Variants in RAB20 observed in about 807,000 individuals in gnomAD.
RAB20 encodes RAB20, member RAS oncogene family.
A neutral mutation model predicts 3.7 loss-of-function variants in RAB20; 2 were observed. The ratio of observed to expected loss-of-function variants is 0.54; its 90% CI spans 0.22 to 1.69. The LOEUF is 1.69. RAB20 is among the 40% of genes most tolerant of loss of function. The pLI is 0.19. For synonymous variants in RAB20, 126 were observed against 130.8 expected, an observed-to-expected ratio of 0.96 and a Z score of 0.25; for missense variants, 276 against 311.9, an observed-to-expected ratio of 0.88 and a Z score of 0.87.
chr13:110,527,124 A>G (rs1353166004), intron 1 of RAB20, among the ~76,000 whole-genome samples: 2 of 152,142 alleles, frequency 1.3e-5, no homozygotes, highest in African/African-American at 2.4e-5. Context: ...ATAGCCAAGA[A>G]GCACAACCAA....
intron 1 of RAB20, among the ~76,000 whole-genome samples, chr13:110,557,179 A>C (rs570330482): frequency 4.7e-4 from 71 of 152,294 alleles, no homozygotes; most frequent in Non-Finnish European, 9.6e-4. Context: ...CAGAAGCTGG[A>C]GGAGGGAGGA....
intron 1 of RAB20, among the ~76,000 whole-genome samples, chr13:110,539,864 CA>C (rs1884726281): frequency 6.6e-6 from 1 of 152,102 alleles, no homozygotes; most frequent in Non-Finnish European, 1.5e-5. Flanking sequence ...CCGGCCACAT[CA>C]ATGCATTTTT....
rs150639092 is a variant in RAB20, at chr13:110,547,202, G to C, written c.172+14146C>G. Reference sequence around the variant, plus strand: ...CCTCTAACCAGACTGTCCTGAACTAGAGCAGCCAAGGTCAGGGAAGGGAAC... The same window carrying C: ...CCTCTAACCAGACTGTCCTGAACTACAGCAGCCAAGGTCAGGGAAGGGAAC... On this transcript the variant is annotated intron_variant, in intron 1 of 1. Coordinates refer to ENST00000267328, the MANE Select transcript of RAB20 (RefSeq NM_017817.3). Among the ~76,000 whole-genome samples, 730 of 152,334 alleles carry C rather than the reference G, an allele frequency of 4.8e-3. 9 individuals carry two copies. The highest frequency in any genetic ancestry group is 0.015 in the African/African-American group (614 of 41,574).
At chr13:110,542,627 C>T (rs1884784094) in intron 1 of RAB20, among the ~76,000 whole-genome samples, 1 of 152,164 alleles carries the variant, frequency 6.6e-6, no homozygotes, top group Non-Finnish European at 1.5e-5. Flanking sequence ...ATGATGTCCT[C>T]CGGGTTCACA....
At chr13:110,557,653 C>T (rs1885061126) in intron 1 of RAB20, among the ~76,000 whole-genome samples, 1 of 152,242 alleles carries the variant, frequency 6.6e-6, no homozygotes. Flanking sequence ...TCACTCTCTC[C>T]AACACCCAGT....
intron 1 of RAB20, among the ~76,000 whole-genome samples, chr13:110,531,279 G>A (rs772538893): frequency 2.0e-5 from 3 of 152,196 alleles, no homozygotes; most frequent in Non-Finnish European, 4.4e-5. Flanking sequence ...CCTTTGAGGT[G>A]GGCTGCTGGG....
At chr13:110,530,105 T>C (rs184982088) in intron 1 of RAB20, among the ~76,000 whole-genome samples, 28 of 143,988 alleles carry the variant, frequency 1.9e-4, no homozygotes, top group East Asian at 4.2e-4. Flanking sequence ...GACAGGGCCC[T>C]GGGGAGGCAG....
chr13:110,554,790 C>T (rs1041653298), intron 1 of RAB20, among the ~76,000 whole-genome samples: 52 of 152,230 alleles, frequency 3.4e-4, no homozygotes, highest in Admixed American at 1.3e-3. Flanking sequence ...GTTCACAGCA[C>T]CTCTGAGGCC....
intron 1 of RAB20, among the ~76,000 whole-genome samples, chr13:110,531,708 C>T (rs917527527): frequency 6.6e-6 from 1 of 152,200 alleles, no homozygotes; most frequent in African/African-American, 2.4e-5. Context: ...CCAGGGCTGC[C>T]CATGTCCCGG....
chr13:110,539,235 T>A (rs1345970413), intron 1 of RAB20, among the ~76,000 whole-genome samples: 1 of 152,170 alleles, frequency 6.6e-6, no homozygotes, highest in Non-Finnish European at 1.5e-5. Flanking sequence ...TAAAGGAGGA[T>A]GATTACTTTT....
rs145082115 is a variant in RAB20, at chr13:110,528,505, C to T, written c.173-4308G>A. Among the ~76,000 whole-genome samples the T allele has an allele frequency of 6.0e-3, 905 of 151,246 alleles. 3 individuals are homozygous for T. The highest frequency in any genetic ancestry group is 0.01 in the South Asian group (50 of 4,762). On this transcript the variant is annotated intron_variant, in intron 1 of 1. Transcript: ENST00000267328. ...GACTTTTGTTTCAGGGACACTAATCCCATAGATAACAGTCCAGGCATCATG... is the reference window on the plus strand; with the variant it reads ...GACTTTTGTTTCAGGGACACTAATCTCATAGATAACAGTCCAGGCATCATG...
rs1594139972 is a variant in RAB20 at position 110,555,493 on chromosome 13, C to A, written c.172+5855G>T. Among the ~76,000 whole-genome samples the A allele has an allele frequency of 6.6e-6, 1 of 152,206 alleles. No individual in the cohort carries two copies. The highest frequency in any genetic ancestry group is 1.5e-5 in the Non-Finnish European group (1 of 68,028). ...TCCTCTAAAGAGGCCAGAGGCTGGG[C>A]CCATCTCTCTTCCACATCTTTGCCG... On this transcript the variant is annotated intron_variant, in intron 1 of 1. Coordinates refer to ENST00000267328, the MANE Select transcript of RAB20 (RefSeq NM_017817.3). This position sits in a 1 kb window ranked among gnomAD's most constrained non-coding sequence, Gnocchi z 4.0.
chr13:110,541,158 C>T (rs138532741), intron 1 of RAB20, among the ~76,000 whole-genome samples: 48 of 152,314 alleles, frequency 3.2e-4, no homozygotes, highest in African/African-American at 1.1e-3. Context: ...TCTTTTCACA[C>T]CTCACCACTC....
intron 1 of RAB20, among the ~76,000 whole-genome samples, chr13:110,559,822 C>A (rs1277007232): frequency 6.6e-6 from 1 of 152,186 alleles, no homozygotes; most frequent in Non-Finnish European, 1.5e-5. Context: ...CTGCTTCATT[C>A]CCTCCGATGC....
intron 1 of RAB20, among the ~76,000 whole-genome samples, chr13:110,557,803 C>G (rs915135890): frequency 2.6e-4 from 40 of 152,358 alleles, no homozygotes; most frequent in Non-Finnish European, 4.7e-4. Context: ...CTGCTCCCCC[C>G]GCCTCCCGGC....
chr13:110,539,848 C>G (rs1375189029), intron 1 of RAB20, among the ~76,000 whole-genome samples: 1 of 152,212 alleles, frequency 6.6e-6, no homozygotes, highest in Non-Finnish European at 1.5e-5. Context: ...GCATGAGCCA[C>G]CGCGCCCGGC....
chr13:110,535,939 A>G (rs993692686), intron 1 of RAB20, among the ~76,000 whole-genome samples: 3 of 152,278 alleles, frequency 2.0e-5, no homozygotes, highest in Non-Finnish European at 2.9e-5. Flanking sequence ...TCAAGTCTTC[A>G]TCTCTGGCAC....
In RAB20 at chr13:110,523,491, C is replaced by A; in HGVS notation, c.*174G>T. 3 of 1,214,556 alleles carry A rather than the reference C, an allele frequency of 2.5e-6. No homozygotes were observed. Among genetic ancestry groups the A allele is most frequent in the Admixed American group, 2.9e-5 (1 of 35,086 alleles). The allele number at this position is 1,214,556 out of a possible 1,614,324, so 75.2% of individuals were successfully genotyped here. ...ACCCCTCTGACAGAGACTGAGGAGA[C>A]CACACACGTTGACCTCCTCTTCATA... On this transcript the variant is annotated 3_prime_UTR_variant, in exon 2 of 2. Coordinates refer to ENST00000267328, the MANE Select transcript of RAB20 (RefSeq NM_017817.3).
At chr13:110,536,643 G>A (rs1408711914) in intron 1 of RAB20, among the ~76,000 whole-genome samples, 1 of 133,626 alleles carries the variant, frequency 7.5e-6, no homozygotes, top group Non-Finnish European at 1.5e-5. Flanking sequence ...AAGCCCGTCA[G>A]CAGAACTGCT....
Sources: allele counts gnomAD v4.1 joint callset (sites outside exome capture counted in the v4.1 genomes callset), GRCh38; gene constraint gnomAD v4.1.1; non-coding constraint Gnocchi (gnomAD v3.1); transcripts MANE v1.5; gene names NCBI Gene and HGNC (gene_info 2026-07-23, HGNC 2026-07-21).